The following U2AF2 variants were observed in gnomAD, a reference collection of about 807,000 sequenced individuals.
The protein encoded by U2AF2 is U2 small nuclear RNA auxiliary factor 2, also known as splicing factor U2AF 65 kDa subunit.
Under a neutral mutation model 52.6 loss-of-function variants are expected in U2AF2, and 6 were observed. The ratio of observed to expected loss-of-function variants is 0.11; its 90% confidence interval spans 0.06 to 0.23. The LOEUF (loss-of-function observed/expected upper bound fraction) is 0.23, where lower values mean the gene tolerates loss of function less well. Among genes scored for constraint, U2AF2 ranks in the 10% least tolerant of loss-of-function variants. U2AF2 has a pLI of 1.00. For synonymous variants in U2AF2, 284 were observed against 258.2 expected (o/e 1.10, Z -0.96); for missense variants, 222 against 677.1 (o/e 0.33, Z 7.46).
At position 55,659,242 on chromosome 19, in the gene U2AF2, A is replaced by C; in HGVS notation, c.82A>C (p.Ser28Arg). The C allele has an allele frequency of 6.3e-7, 1 of 1,599,628 alleles. No homozygotes were observed. The highest frequency in any genetic ancestry group is 8.5e-7 in the Non-Finnish European group (1 of 1,172,334). Residue 28 changes from serine to arginine, a missense_variant, in exon 2 of 12, where the codon AGC (serine) becomes CGC (arginine). Coordinates refer to ENST00000308924, the MANE Select transcript of U2AF2 (RefSeq NM_007279.3). ...CAAGGAGAACCGGCATCGGAAGCGCAGCCACAGCCGCTCTCGGAGCCGGGA... is the reference window on the plus strand; with the variant it reads ...CAAGGAGAACCGGCATCGGAAGCGCCGCCACAGCCGCTCTCGGAGCCGGGA... ...RDKENRHRKR[S>R]HSRSRSRDRK...
intron 7 of U2AF2, among the ~76,000 whole-genome samples, chr19:55,666,115 G>A (rs1984534359): frequency 1.3e-5 from 2 of 152,230 alleles, no homozygotes; most frequent in South Asian, 4.1e-4. Flanking sequence ...GAAGGTGATG[G>A]GGTGCTCTGG....
intron 7 of U2AF2, chr19:55,663,967 A>G (rs1383591574): frequency 1.7e-6 from 1 of 590,020 alleles, no homozygotes; most frequent in African/African-American, 1.9e-5. Flanking sequence ...CTGAGGACAC[A>G]CAGCTTGTAC....
chr19:55,669,994 C>T (rs1372442595), intron 11 of U2AF2, among the ~76,000 whole-genome samples: 1 of 152,146 alleles, frequency 6.6e-6, no homozygotes, highest in African/African-American at 2.4e-5. Flanking sequence ...GAACTTGGCC[C>T]TGCTCCCCCT....
At chr19:55,655,667 G>T (rs529780380) in intron 1 of U2AF2, among the ~76,000 whole-genome samples, 2 of 152,186 alleles carry the variant, frequency 1.3e-5, no homozygotes, top group Non-Finnish European at 2.9e-5. Flanking sequence ...GGGCAGAGCC[G>T]TTTCGGCGGA....
At chr19:55,673,861 T>C in intron 11 of U2AF2, 73 bp from the exon 12 acceptor site, 3 of 1,544,902 alleles carry the variant, frequency 1.9e-6, no homozygotes, top group Non-Finnish European at 2.6e-6. Context: ...CCTTCAGTGC[T>C]GGGGTTGGGT....
chr19:55,668,699 C>T lies in U2AF2; in HGVS notation c.852C>T (p.Pro284=). 1 of 1,613,616 alleles carries T rather than the reference C, an allele frequency of 6.2e-7. No individual in the cohort carries two copies. Among genetic ancestry groups the T allele is most frequent in the Non-Finnish European group, 8.5e-7 (1 of 1,179,630 alleles). Residue 284 remains proline (P), a synonymous_variant, in exon 9 of 12, where the codon CCC becomes CCT. Coordinates refer to ENST00000308924, the MANE Select transcript of U2AF2 (RefSeq NM_007279.3). This position sits in a 1 kb window ranked among gnomAD's most constrained non-coding sequence, Gnocchi z 5.5. ...AAGAGCTGCTGACATCCTTTGGGCCCCTCAAGGCCTTCAACCTGGTCAAGG... is the reference window on the plus strand; with the variant it reads ...AAGAGCTGCTGACATCCTTTGGGCCTCTCAAGGCCTTCAACCTGGTCAAGG... ...QVKELLTSFG[P]LKAFNLVKDS...
At position 55,669,075 on chromosome 19, in the gene U2AF2, A is replaced by G. The variant is rs750974859; in HGVS notation, c.946-8A>G. 2 of 1,611,288 alleles carry G rather than the reference A, an allele frequency of 1.2e-6. No homozygotes were observed. The highest frequency in any genetic ancestry group is 2.2e-5 in the East Asian group (1 of 44,808). On this transcript the variant is annotated splice_region_variant and splice_polypyrimidine_tract_variant and intron_variant, in intron 9 of 11. Transcript: ENST00000308924. ...CGCACCCCCCGACCCCTCATCCTCC[A>G]AACACAGGCCATTGCGGGGCTGAAC...
rs551186107 is a variant in U2AF2, at chr19:55,655,050, A to C, written c.-55A>C. The C allele has an allele frequency of 6.3e-7, 1 of 1,596,268 alleles. No individual in the cohort carries two copies. The highest frequency in any genetic ancestry group is 1.4e-5 in the African/African-American group (1 of 73,270). On this transcript the variant is annotated 5_prime_UTR_variant, in exon 1 of 12. Transcript: ENST00000308924. ...CGGCGGAAGTAGCCGAAGCGGCTGGAGCGGGCGGCAAGGCGAGGCGAAAGC... is the reference window on the plus strand; with the variant it reads ...CGGCGGAAGTAGCCGAAGCGGCTGGCGCGGGCGGCAAGGCGAGGCGAAAGC...
chr19:55,674,124 C>A lies in U2AF2; in HGVS notation c.*56C>A, dbSNP rs536052231. 8.7e-5 allele frequency: 130 copies of A among 1,496,782 alleles called. 2 individuals carry two copies. The highest frequency in any genetic ancestry group is 2.5e-4 in the Middle Eastern group (1 of 4,028). The allele number at this position is 1,496,782 out of a possible 1,614,324, so 92.7% of individuals were successfully genotyped here. Reference sequence around the variant, plus strand: ...GGCTGGGGGCTTCTCCCCACTCCCGCCCCCCCCTTATCCCCCTCTGAAGAC... The same window carrying A: ...GGCTGGGGGCTTCTCCCCACTCCCGACCCCCCCTTATCCCCCTCTGAAGAC... On this transcript the variant is annotated 3_prime_UTR_variant, in exon 12 of 12. Transcript: ENST00000308924.
At chr19:55,663,400 G>C (rs1011309233) in intron 6 of U2AF2, among the ~76,000 whole-genome samples, 3 of 152,154 alleles carry the variant, frequency 2.0e-5, no homozygotes, top group Non-Finnish European at 4.4e-5. Context: ...GTTTGTGTTG[G>C]GTGCCTGGTG....
rs1187883408 is a variant in U2AF2 at position 55,674,276 on chromosome 19, C to G, written c.*208C>G. 1 of 543,346 alleles carries G rather than the reference C, an allele frequency of 1.8e-6. No individual in the cohort carries two copies. The highest frequency in any genetic ancestry group is 1.9e-5 in the African/African-American group (1 of 52,020). The allele number at this position is 543,346 out of a possible 1,614,324, so 33.7% of individuals were successfully genotyped here. On this transcript the variant is annotated 3_prime_UTR_variant, in exon 12 of 12. Coordinates refer to ENST00000308924, the MANE Select transcript of U2AF2 (RefSeq NM_007279.3). The stretch of plus-strand genomic sequence containing the variant: ...GGGCAGGGAGGGGACTGGGGAAGTG[C>G]GCACACAGCCCACACAGACAACACG...
At position 55,663,846 on chromosome 19, in the gene U2AF2, G is replaced by A; in HGVS notation, c.742+102G>A. On this transcript the variant is annotated intron_variant, in intron 7 of 11. Coordinates refer to ENST00000308924, the MANE Select transcript of U2AF2 (RefSeq NM_007279.3). ...TGGAGTGGCTTAGGAAGTTGTGTAA[G>A]TACTGTGGAAGATAGGTGCCTTTTC... 3 of 1,525,200 alleles carry A rather than the reference G, an allele frequency of 2.0e-6. No individual in the cohort carries two copies. In the South Asian group the frequency reaches 3.8e-5, roughly 19 times the overall value. The allele number at this position is 1,525,200 out of a possible 1,614,324, so 94.5% of individuals were successfully genotyped here.
chr19:55,673,965 G>C lies in U2AF2; in HGVS notation c.1325G>C (p.Cys442Ser). The change falls in exon 12 of 12, where the codon TGC becomes TCC. Residue 442 changes from cysteine (C) to serine (S), a missense_variant. This residue lies in a region of U2AF2 where 71 missense variants were observed against 180.6 expected (regional missense o/e 0.39). Coordinates refer to ENST00000308924, the MANE Select transcript of U2AF2 (RefSeq NM_007279.3). ...GTGGAGTTCACCTCTGTGTTTGACT[G>C]CCAGAAAGCCATGCAGGGCCTGACG... is the stretch of plus-strand genomic sequence containing the variant. ...IFVEFTSVFD[C>S]QKAMQGLTGR... The C allele has an allele frequency of 6.2e-7, 1 of 1,613,850 alleles. No individual in the cohort carries two copies. The highest frequency in any genetic ancestry group is 2.2e-5 in the East Asian group (1 of 44,858).
At chr19:55,662,691 G>A (rs1414530653) in intron 6 of U2AF2, 73 bp downstream of exon 6, 3 of 1,368,910 alleles carry the variant, frequency 2.2e-6, no homozygotes, top group Non-Finnish European at 3.1e-6. Context: ...CTGATGTTGT[G>A]TGGAGCTGCC....
At chr19:55,673,724 C>T (rs1030936235) in intron 11 of U2AF2, among the ~76,000 whole-genome samples, 2 of 152,196 alleles carry the variant, frequency 1.3e-5, no homozygotes, top group African/African-American at 4.8e-5. Flanking sequence ...CCTCTCCATG[C>T]CTATGGTGTG....
intron 11 of U2AF2, chr19:55,670,586 C>A (rs1984852438): frequency 3.6e-6 from 1 of 278,724 alleles, no homozygotes; most frequent in Non-Finnish European, 7.0e-6. Flanking sequence ...CGTATTGAGT[C>A]GGGGCAGGGG....
At chr19:55,656,234 C>T (rs977203489) in intron 1 of U2AF2, among the ~76,000 whole-genome samples, 1 of 152,198 alleles carries the variant, frequency 6.6e-6, no homozygotes, top group South Asian at 2.1e-4. Flanking sequence ...AGACTTGTTT[C>T]TTTTCAGGCT....
chr19:55,657,258 T>A lies in U2AF2; in HGVS notation c.50-1952T>A, dbSNP rs559146709. ...ATAAGATGACCACAATACAGTGTTT[T>A]GAGCAAACGAAGCTCTCATTGTTTT... On this transcript the variant is annotated intron_variant, in intron 1 of 11. Coordinates refer to ENST00000308924, the MANE Select transcript of U2AF2 (RefSeq NM_007279.3). Among the ~76,000 whole-genome samples the A allele has an allele frequency of 1.1e-4, 16 of 152,356 alleles. No homozygotes were observed. The South Asian group carries it at 3.3e-3, about 32-fold the overall frequency.
chr19:55,655,203 G>T (rs756927652), intron 1 of U2AF2, 50 bp downstream of exon 1: 5 of 1,550,756 alleles, frequency 3.2e-6, no homozygotes, highest in East Asian at 2.5e-5. Flanking sequence ...TCCTCGCGTC[G>T]CTCTTTGCCC....
Sources: gnomAD v4.1 joint callset for allele counts (sites outside exome capture counted in the v4.1 genomes callset) on GRCh38, gnomAD v4.1.1 for gene constraint, gnomAD v4.1.1 regional missense constraint, Gnocchi (gnomAD v3.1) non-coding constraint, MANE v1.5 for transcripts, NCBI Gene and HGNC (gene_info 2026-07-23, HGNC 2026-07-21) for gene names.